The following RAB3GAP2 variants were observed in gnomAD, a reference collection of about 807,000 sequenced individuals.
The protein encoded by RAB3GAP2 is RAB3 GTPase activating non-catalytic protein subunit 2, also known as rab3 GTPase-activating protein non-catalytic subunit.
Under a neutral mutation model 185.3 loss-of-function variants are expected in RAB3GAP2, and 87 were observed. That is an observed-to-expected ratio of 0.47 (90% CI 0.39 to 0.56). The LOEUF (loss-of-function observed/expected upper bound fraction) is 0.56. RAB3GAP2 is among the 20% of genes least tolerant of loss of function. The probability of loss-of-function intolerance (pLI) is 0.00; values close to 1 mark genes in which losing one functional copy is unlikely to be tolerated. For synonymous variants in RAB3GAP2, 554 were observed against 576.1 expected, an observed-to-expected ratio of 0.96 and a Z score of 0.55; for missense variants, 1,492 against 1,638.2, an observed-to-expected ratio of 0.91 and a Z score of 1.54.
At chr1:220,184,248 T>G in intron 18 of RAB3GAP2, 85 bp from the exon 19 acceptor site, 6 of 1,277,806 alleles carry the variant, frequency 4.7e-6, no homozygotes, top group Non-Finnish European at 6.8e-6. Flanking sequence ...TCTCTCAATA[T>G]TATGTAATTC....
intron 27 of RAB3GAP2, among the ~76,000 whole-genome samples, chr1:220,162,660 A>G (rs1485589173): frequency 1.3e-5 from 2 of 152,198 alleles, no homozygotes; most frequent in East Asian, 3.9e-4. Flanking sequence ...TGGTGGTATA[A>G]TAATTTGGTA....
intron 2 of RAB3GAP2, among the ~76,000 whole-genome samples, chr1:220,222,471 A>C (rs980343592): frequency 2.0e-5 from 3 of 152,218 alleles, no homozygotes; most frequent in Admixed American, 2.0e-4. Context: ...AAAGATCCTG[A>C]GATCTTTTCA....
At chr1:220,196,815 G>A (rs1419396579) in intron 9 of RAB3GAP2, among the ~76,000 whole-genome samples, 5 of 151,358 alleles carry the variant, frequency 3.3e-5, no homozygotes, top group African/African-American at 4.9e-5. Context: ...CTGGGCAACA[G>A]GGCGAGACCC....
At chr1:220,160,109 C>T (rs901335149) in intron 28 of RAB3GAP2, among the ~76,000 whole-genome samples, 1 of 151,940 alleles carries the variant, frequency 6.6e-6, no homozygotes, top group African/African-American at 2.4e-5. Context: ...TTGATAAAGG[C>T]ACAATTGTTT....
chr1:220,204,148 C>G (rs967950927), intron 8 of RAB3GAP2, among the ~76,000 whole-genome samples: 10 of 152,038 alleles, frequency 6.6e-5, no homozygotes, highest in African/African-American at 2.4e-4. Flanking sequence ...TGTTTCTAAA[C>G]CTAGTCTAAA....
At chr1:220,162,326 C>T (rs967076605) in intron 27 of RAB3GAP2, 58 bp from the exon 28 acceptor site, 148 of 1,163,512 alleles carry the variant, frequency 1.3e-4, no homozygotes, top group Admixed American at 7.3e-4. Flanking sequence ...TTTTATTACA[C>T]ATAAATTACT....
At chr1:220,196,986 T>TC (rs1318169150) in intron 9 of RAB3GAP2, among the ~76,000 whole-genome samples, 9 of 151,728 alleles carry the variant, frequency 5.9e-5, no homozygotes, top group African/African-American at 2.2e-4. Context: ...CCAATTCACT[T>TC]CTTTTTTTTT....
chr1:220,153,007 T>C (rs1305835694), intron 33 of RAB3GAP2, among the ~76,000 whole-genome samples, 178 bp downstream of exon 33: 1 of 152,246 alleles, frequency 6.6e-6, no homozygotes, highest in African/African-American at 2.4e-5. Flanking sequence ...TGGCACACTG[T>C]AGGAATTATT....
In RAB3GAP2 at chr1:220,164,446, T is replaced by G. The variant is rs1194033338; in HGVS notation, c.3154+287A>C. ...CAAGTAGTTAAAATGGCCAGTACTG[T>G]TTTTTTTTTGTTTTGTTTTTTGTTT... is the stretch of plus-strand genomic sequence containing the variant. On this transcript the variant is annotated intron_variant, in intron 27 of 34. Coordinates refer to ENST00000358951, the MANE Select transcript of RAB3GAP2 (RefSeq NM_012414.4). Among the ~76,000 whole-genome samples, 6 of 135,436 alleles carry G rather than the reference T, an allele frequency of 4.4e-5. No individual in the cohort carries two copies. In the East Asian group the frequency reaches 1.0e-3, roughly 23 times the overall value. 88.9% of individuals were successfully genotyped at this position (135,436 alleles called of 152,430 possible). A position where few individuals can be genotyped will look rare whatever the true frequency, so the allele number is the denominator to read the frequency against.
At chr1:220,236,882 G>A (rs1378147345) in intron 1 of RAB3GAP2, among the ~76,000 whole-genome samples, 1 of 152,090 alleles carries the variant, frequency 6.6e-6, no homozygotes, top group Admixed American at 6.6e-5. Context: ...ACATAACTTT[G>A]AGAACTATGT....
intron 1 of RAB3GAP2, among the ~76,000 whole-genome samples, chr1:220,258,162 AAAG>A (rs1212174877): frequency 4.6e-5 from 7 of 152,324 alleles, no homozygotes; most frequent in African/African-American, 1.2e-4. Context: ...CCAGAGGTAC[AAAG>A]AAGAGCTGGT....
intron 4 of RAB3GAP2, among the ~76,000 whole-genome samples, chr1:220,211,954 A>T (rs1659092614): frequency 6.6e-6 from 1 of 152,224 alleles, no homozygotes; most frequent in Non-Finnish European, 1.5e-5. Context: ...TGTTCTAGGC[A>T]CTTCCACTTG....
At chr1:220,249,575 T>G (rs1659893437) in intron 1 of RAB3GAP2, among the ~76,000 whole-genome samples, 1 of 152,114 alleles carries the variant, frequency 6.6e-6, no homozygotes. Context: ...CTGCAGAAAT[T>G]TGCATAAGTA....
intron 2 of RAB3GAP2, 136 bp from the exon 3 acceptor site, chr1:220,214,115 T>C: frequency 3.5e-6 from 3 of 862,596 alleles, no homozygotes; most frequent in Non-Finnish European, 1.8e-6. Context: ...TTTCATAATA[T>C]TCCTTATCAA....
chr1:220,240,823 G>C (rs983568096), intron 1 of RAB3GAP2, among the ~76,000 whole-genome samples: 1 of 151,632 alleles, frequency 6.6e-6, no homozygotes, highest in African/African-American at 2.4e-5. Flanking sequence ...TAGAATAATC[G>C]GTAACATAAC....
intron 1 of RAB3GAP2, among the ~76,000 whole-genome samples, chr1:220,240,123 A>T (rs1659663890): frequency 6.6e-6 from 1 of 152,216 alleles, no homozygotes; most frequent in African/African-American, 2.4e-5. Context: ...TGCTTACTGG[A>T]GAAATCTAAA....
chr1:220,196,321 T>A lies in RAB3GAP2; in HGVS notation c.889A>T (p.Ser297Cys), dbSNP rs201339041. 6.2e-7 allele frequency: 1 copy of A among 1,610,638 alleles called. No individual in the cohort carries two copies. Among genetic ancestry groups the A allele is most frequent in the East Asian group, 2.2e-5 (1 of 44,824 alleles). ...IGGFNAAIKN[S>C]PPAMSQYITV... ...ATATACTGAGACATGGCAGGTGGAC[T>A]ATTTTTAATTGCTGCATTAAATCCA... The change falls in exon 10 of 35, where the codon AGT becomes TGT. Residue 297 changes from serine (S) to cysteine (C), a missense_variant. Around this residue, in one of 5 missense-constraint regions of RAB3GAP2, gnomAD observed 243 missense variants for 314.8 expected, o/e 0.77. Coordinates refer to ENST00000358951, the MANE Select transcript of RAB3GAP2 (RefSeq NM_012414.4).
At chr1:220,186,246 A>G (rs1394941985) in intron 17 of RAB3GAP2, among the ~76,000 whole-genome samples, 1 of 152,030 alleles carries the variant, frequency 6.6e-6, no homozygotes, top group Non-Finnish European at 1.5e-5. Flanking sequence ...CCCCATAGAT[A>G]TTTAAGATTC....
chr1:220,237,656 A>AAATTTGAG (rs558220257), intron 1 of RAB3GAP2, among the ~76,000 whole-genome samples: 43 of 152,304 alleles, frequency 2.8e-4, no homozygotes, highest in African/African-American at 1.0e-3. Context: ...CCCACCCTAA[A>AAATTTGAG]AATTTGAGGC....
Sources: gnomAD v4.1 joint callset for allele counts (sites outside exome capture counted in the v4.1 genomes callset) on GRCh38, gnomAD v4.1.1 for gene constraint, gnomAD v4.1.1 regional missense constraint, MANE v1.5 for transcripts, NCBI Gene and HGNC (gene_info 2026-07-23, HGNC 2026-07-21) for gene names.